The following ZFYVE9 variants were observed in gnomAD, a reference collection of about 807,000 sequenced individuals.
ZFYVE9 encodes zinc finger FYVE domain-containing protein 9.
ZFYVE9 carries 43 observed loss-of-function variants against 126.7 expected under a neutral mutation model. The ratio of observed to expected loss-of-function variants is 0.34; its 90% CI spans 0.27 to 0.44. The LOEUF (loss-of-function observed/expected upper bound fraction) is 0.44, where lower values mean the gene tolerates loss of function less well. Ranked by LOEUF, ZFYVE9 falls within the 20% of genes least tolerant of loss-of-function variation. The probability of loss-of-function intolerance (pLI) is 1.00; values close to 1 mark genes in which losing one functional copy is unlikely to be tolerated. For missense variants in ZFYVE9, 1,476 were observed against 1,697.0 expected, an observed-to-expected ratio of 0.87 and a Z score of 2.29; for synonymous variants, 521 against 597.4, an observed-to-expected ratio of 0.87 and a Z score of 1.87.
intron 1 of ZFYVE9, among the ~76,000 whole-genome samples, chr1:52,146,027 CCACACA>C (rs1168051378): frequency 2.1e-5 from 3 of 146,178 alleles, no homozygotes; most frequent in Admixed American, 6.9e-5. Context: ...TCAAAAATAT[CCACACA>C]CACACACACA....
intron 1 of ZFYVE9, among the ~76,000 whole-genome samples, chr1:52,197,587 GAGAT>G (rs1644872101): frequency 7.0e-6 from 1 of 143,884 alleles, no homozygotes; most frequent in Admixed American, 7.4e-5. Flanking sequence ...ATGAAGATGA[GAGAT>G]AGATGTCAAA....
rs1283525641 is a variant in ZFYVE9 at position 52,346,063 on chromosome 1, G to A, written c.4120G>A (p.Gly1374Ser). The change falls in exon 19 of 19, where the codon GGC becomes AGC. Residue 1374 changes from glycine to serine, a missense_variant. Physicochemically the swap from Gly to Ser is moderately conservative, Grantham distance 56. Coordinates refer to ENST00000287727, the MANE Select transcript of ZFYVE9 (RefSeq NM_004799.4). Reference protein sequence around the residue: ...LRVTLDSDQVGYQAGSNGQPL... With the variant: ...LRVTLDSDQVSYQAGSNGQPL... ...TCCTTTTCTCTCTGTGGTATAGGTTGGCTATCAAGCAGGGAGCAATGGCCA... is the reference window on the plus strand; with the variant it reads ...TCCTTTTCTCTCTGTGGTATAGGTTAGCTATCAAGCAGGGAGCAATGGCCA... 1 of 1,597,640 alleles carries A rather than the reference G, an allele frequency of 6.3e-7. No homozygotes were observed.
intron 1 of ZFYVE9, among the ~76,000 whole-genome samples, chr1:52,201,374 A>ATTTTTT (rs11344134): frequency 3.5e-4 from 32 of 91,258 alleles, no homozygotes; most frequent in Admixed American, 9.5e-4. Flanking sequence ...GTTTTTGGTA[A>ATTTTTT]TTTTTTTTTT....
At position 52,266,726 on chromosome 1, in the gene ZFYVE9, TCTA is replaced by T. The variant is rs1557490278; in HGVS notation, c.2354_2356del (p.Thr785del). On this transcript the variant is annotated inframe_deletion, in exon 6 of 19. Coordinates refer to ENST00000287727, the MANE Select transcript of ZFYVE9 (RefSeq NM_004799.4). ...CCCTAACAATCCTGCTGAATACTGT[TCTA>T]CTATCCCTCCCTTGCAGCAAGCTCA... 1.2e-6 allele frequency: 2 copies of T among 1,612,560 alleles called. No individual in the cohort carries two copies. The highest frequency in any genetic ancestry group is 8.5e-7 in the Non-Finnish European group (1 of 1,179,416).
At chr1:52,277,565 G>A (rs929341537) in intron 8 of ZFYVE9, among the ~76,000 whole-genome samples, 1 of 152,068 alleles carries the variant, frequency 6.6e-6, no homozygotes, top group African/African-American at 2.4e-5. Flanking sequence ...TAATGGAGTA[G>A]ATATTTCCCA....
intron 4 of ZFYVE9, among the ~76,000 whole-genome samples, chr1:52,240,011 G>T (rs148553933): frequency 2.0e-5 from 3 of 152,128 alleles, no homozygotes; most frequent in African/African-American, 7.2e-5. Flanking sequence ...ACATTTAATT[G>T]TTGAAAAATA....
chr1:52,268,964 A>C (rs1396805248), intron 7 of ZFYVE9, among the ~76,000 whole-genome samples: 1 of 152,098 alleles, frequency 6.6e-6, no homozygotes, highest in African/African-American at 2.4e-5. Context: ...GCAGCCTCTC[A>C]GGAGTGCTAT....
intron 10 of ZFYVE9, among the ~76,000 whole-genome samples, chr1:52,285,238 TAAG>T (rs886454148): frequency 1.3e-5 from 2 of 152,190 alleles, no homozygotes; most frequent in Non-Finnish European, 2.9e-5. Context: ...ACATATTTAT[TAAG>T]AACCTTATTT....
intron 8 of ZFYVE9, among the ~76,000 whole-genome samples, chr1:52,277,859 GT>G (rs1426389858): frequency 1.3e-5 from 2 of 152,246 alleles, no homozygotes; most frequent in African/African-American, 4.8e-5. Flanking sequence ...GTATTAACTT[GT>G]TCATGTTCAG....
intron 7 of ZFYVE9, among the ~76,000 whole-genome samples, chr1:52,270,228 A>G (rs190069685): frequency 1.3e-4 from 20 of 152,228 alleles, no homozygotes; most frequent in African/African-American, 2.4e-4. Flanking sequence ...TGGTTTCCCC[A>G]ATTGTCACAA....
At chr1:52,220,178 T>C (rs1450335734) in intron 2 of ZFYVE9, among the ~76,000 whole-genome samples, 2 of 152,130 alleles carry the variant, frequency 1.3e-5, no homozygotes, top group African/African-American at 2.4e-5. Context: ...GGTTAGGTGA[T>C]TTTTTAGAGT....
chr1:52,320,080 T>TA (rs1367700565), intron 13 of ZFYVE9, among the ~76,000 whole-genome samples: 1 of 33,826 alleles, frequency 3.0e-5, no homozygotes, highest in Non-Finnish European at 1.2e-4. Context: ...TTAAGACCTT[T>TA]ATTTTTTTTG....
intron 4 of ZFYVE9, among the ~76,000 whole-genome samples, chr1:52,243,378 T>TTCAAGGTTGACACA (rs760795836): frequency 6.6e-6 from 1 of 152,224 alleles, no homozygotes; most frequent in African/African-American, 2.4e-5. Flanking sequence ...AGTGACATAG[T>TTCAAGGTTGACACA]TCAAGGTTGA....
chr1:52,230,238 T>C (rs72893988), intron 2 of ZFYVE9, among the ~76,000 whole-genome samples: 7,151 of 152,076 alleles, frequency 0.047, 562 homozygotes, highest in African/African-American at 0.16. Context: ...CGAGAGGGGT[T>C]CCTGTTAACA....
chr1:52,227,981 T>C (rs963973165), intron 2 of ZFYVE9, among the ~76,000 whole-genome samples: 1 of 152,254 alleles, frequency 6.6e-6, no homozygotes, highest in Non-Finnish European at 1.5e-5. Context: ...ACTCTTCAGT[T>C]CCTGCTTTCC....
chr1:52,200,557 G>T (rs1644914124), intron 1 of ZFYVE9, among the ~76,000 whole-genome samples: 1 of 152,114 alleles, frequency 6.6e-6, no homozygotes, highest in Non-Finnish European at 1.5e-5. Flanking sequence ...CTTTGGTATT[G>T]TGTCTAAAAA....
At chr1:52,294,912 T>G (rs1645958235) in intron 11 of ZFYVE9, among the ~76,000 whole-genome samples, 1 of 152,246 alleles carries the variant, frequency 6.6e-6, no homozygotes, top group South Asian at 2.1e-4. Flanking sequence ...TATAGAAGAA[T>G]GAACTCTTGG....
intron 8 of ZFYVE9, among the ~76,000 whole-genome samples, chr1:52,277,917 A>G (rs1225581249): frequency 2.0e-5 from 3 of 152,060 alleles, no homozygotes; most frequent in African/African-American, 7.2e-5. Flanking sequence ...TATGTACTAA[A>G]CTCTTAAATT....
chr1:52,261,514 C>T (rs770490011), intron 4 of ZFYVE9, among the ~76,000 whole-genome samples: 13 of 152,202 alleles, frequency 8.5e-5, no homozygotes, highest in Admixed American at 1.3e-4. Flanking sequence ...CATTGGGTAG[C>T]TTGGTGCCCA....
Sources: gnomAD v4.1 joint callset for allele counts (sites outside exome capture counted in the v4.1 genomes callset) on GRCh38, gnomAD v4.1.1 for gene constraint, MANE v1.5 for transcripts, NCBI Gene and HGNC (gene_info 2026-07-23, HGNC 2026-07-21) for gene names.